Variants in CSTPP1 observed in about 807,000 individuals in gnomAD.
The protein encoded by CSTPP1 is UPF0705 protein C11orf49.
the CSTPP1 span, among the ~76,000 whole-genome samples, chr11:46,993,188 G>A: frequency 6.6e-6 from 1 of 152,104 alleles, no homozygotes; most frequent in Non-Finnish European, 1.5e-5. Context: ...TCTGTAGGTT[G>A]CCTGTTCACT....
chr11:46,969,441 ATTGT>A, the CSTPP1 span, among the ~76,000 whole-genome samples: 3 of 152,216 alleles, frequency 2.0e-5, no homozygotes, highest in African/African-American at 7.2e-5. Flanking sequence ...ATTTTGGAAA[ATTGT>A]TTGGCAGTAT....
chr11:47,131,196 T>G, the CSTPP1 span, among the ~76,000 whole-genome samples: 1 of 152,186 alleles, frequency 6.6e-6, no homozygotes, highest in African/African-American at 2.4e-5. Flanking sequence ...CTTCCTTCCA[T>G]CTGGCACTCC....
At chr11:46,985,104 G>A in the CSTPP1 span, among the ~76,000 whole-genome samples, 1 of 152,028 alleles carries the variant, frequency 6.6e-6, no homozygotes, top group Non-Finnish European at 1.5e-5. Context: ...GGTTGGGGGT[G>A]GGCAGTCAGG....
the CSTPP1 span, among the ~76,000 whole-genome samples, chr11:47,079,650 ATTG>A: frequency 6.6e-6 from 1 of 152,180 alleles, no homozygotes; most frequent in African/African-American, 2.4e-5. Flanking sequence ...ATTTTTATGC[ATTG>A]TTGTCTTTGC....
chr11:46,988,309 C>T, the CSTPP1 span, among the ~76,000 whole-genome samples: 15,294 of 152,180 alleles, frequency 0.1, 2,559 homozygotes, highest in African/African-American at 0.35. Flanking sequence ...TGGAAGCAAT[C>T]TAAGTGTCCA....
the CSTPP1 span, chr11:47,103,670 CTTT>C: frequency 9.7e-4 from 49 of 50,444 alleles, no homozygotes; most frequent in Non-Finnish European, 1.4e-3. Flanking sequence ...ATAGAATGGC[CTTT>C]TTTTTTTTTT....
At chr11:47,137,367 T>C in the CSTPP1 span, 1 of 1,467,648 alleles carries the variant, frequency 6.8e-7, no homozygotes, top group African/African-American at 1.4e-5. Context: ...AAGGTGCCTC[T>C]CTTGTTTGCT....
chr11:47,108,303 A>C, the CSTPP1 span, among the ~76,000 whole-genome samples: 36,875 of 152,122 alleles, frequency 0.24, 5,216 homozygotes, highest in East Asian at 0.65. Context: ...ACTGTCATCC[A>C]GGAGACACTG....
chr11:47,144,524 A>T, the CSTPP1 span, among the ~76,000 whole-genome samples: 1 of 152,152 alleles, frequency 6.6e-6, no homozygotes, highest in Non-Finnish European at 1.5e-5. Context: ...TTATGTTGGT[A>T]TTATTAATAG....
At chr11:47,129,030 G>A in the CSTPP1 span, among the ~76,000 whole-genome samples, 3 of 152,146 alleles carry the variant, frequency 2.0e-5, no homozygotes, top group Non-Finnish European at 2.9e-5. Context: ...TCACCATTAG[G>A]AGGGATTAAG....
the CSTPP1 span, among the ~76,000 whole-genome samples, chr11:47,020,100 G>A: frequency 6.6e-6 from 1 of 152,124 alleles, no homozygotes; most frequent in African/African-American, 2.4e-5. Context: ...TTTAGATTAT[G>A]TGTCCCAATT....
At chr11:47,032,196 G>A in the CSTPP1 span, among the ~76,000 whole-genome samples, 1 of 151,984 alleles carries the variant, frequency 6.6e-6, no homozygotes, top group Non-Finnish European at 1.5e-5. Context: ...CAAATATTAA[G>A]CTAATAAAAT....
At chr11:47,022,882 C>G in the CSTPP1 span, among the ~76,000 whole-genome samples, 60 of 152,308 alleles carry the variant, frequency 3.9e-4, no homozygotes, top group African/African-American at 1.3e-3. Flanking sequence ...ATGTAATAAG[C>G]ATTCCTGTAA....
At chr11:47,062,722 A>G in the CSTPP1 span, among the ~76,000 whole-genome samples, 1 of 152,246 alleles carries the variant, frequency 6.6e-6, no homozygotes, top group Non-Finnish European at 1.5e-5. Context: ...AAGGTATCAC[A>G]AACTAGTAGT....
the CSTPP1 span, among the ~76,000 whole-genome samples, chr11:47,004,843 C>T: frequency 5.9e-5 from 9 of 152,178 alleles, no homozygotes; most frequent in Non-Finnish European, 1.0e-4. Flanking sequence ...CTCATGCTGG[C>T]AGCCTGCTCC....
At chr11:47,150,538 A>G in the CSTPP1 span, among the ~76,000 whole-genome samples, 2 of 152,188 alleles carry the variant, frequency 1.3e-5, no homozygotes, top group Non-Finnish European at 1.5e-5. Context: ...AGCCAGTAGC[A>G]GGGGGGCCTA....
the CSTPP1 span, among the ~76,000 whole-genome samples, chr11:47,027,247 G>A: frequency 1.3e-5 from 2 of 152,174 alleles, no homozygotes; most frequent in East Asian, 3.9e-4. Flanking sequence ...TGTTAGGGAT[G>A]GCACCTGCGA....
chr11:47,052,527 T>G, the CSTPP1 span: 1 of 1,612,352 alleles, frequency 6.2e-7, no homozygotes, highest in Non-Finnish European at 8.5e-7. Flanking sequence ...CGGTAAGTCT[T>G]CCCAAATTCT....
the CSTPP1 span, chr11:47,137,842 A>G: frequency 4.9e-6 from 5 of 1,024,886 alleles, no homozygotes; most frequent in Non-Finnish European, 7.3e-6. Context: ...AGAAACTGGC[A>G]GTGGGAGAGG....
Sources: allele counts gnomAD v4.1 joint callset (sites outside exome capture counted in the v4.1 genomes callset), GRCh38; gene constraint gnomAD v4.1.1; transcripts MANE v1.5; gene names NCBI Gene and HGNC (gene_info 2026-07-23, HGNC 2026-07-21).